NTSR1: variants seen among roughly 807,000 people sequenced by gnomAD.
The protein encoded by NTSR1 is neurotensin receptor 1.
NTSR1 carries 29 observed loss-of-function variants against 31.2 expected under a neutral mutation model. That is an observed-to-expected ratio of 0.93 (90% CI 0.69 to 1.27). The LOEUF (loss-of-function observed/expected upper bound fraction) is 1.27. Among genes scored for constraint, NTSR1 ranks in the 50% most tolerant of loss-of-function variants. NTSR1 has a pLI of 0.00. For missense variants in NTSR1, 697 were observed against 595.4 expected, an observed-to-expected ratio of 1.17 and a Z score of -1.78; for synonymous variants, 282 against 269.9, an observed-to-expected ratio of 1.04 and a Z score of -0.44.
intron 1 of NTSR1, among the ~76,000 whole-genome samples, chr20:62,716,715 G>A (rs1037098621): frequency 6.6e-6 from 1 of 152,132 alleles, no homozygotes; most frequent in Non-Finnish European, 1.5e-5. Flanking sequence ...ACTCAAGATC[G>A]TCCTCCCCTG....
Position 62,742,756 on chromosome 20 carries a change from C to T in NTSR1, c.715-11929C>T, listed in dbSNP as rs1427094342. Among the ~76,000 whole-genome samples, 2 of 149,196 alleles carry T rather than the reference C, an allele frequency of 1.3e-5. No individual in the cohort carries two copies. Among genetic ancestry groups the T allele is most frequent in the African/African-American group, 5.0e-5 (2 of 39,872 alleles). ...CCTGGAAAGCGCTGGGCTGTGTCAC[C>T]TTAAAGACCCCTTTGCTCTCTTGGC... On this transcript the variant is annotated intron_variant, in intron 1 of 3. Coordinates refer to ENST00000370501, the MANE Select transcript of NTSR1 (RefSeq NM_002531.3). This position sits in a 1 kb window ranked among gnomAD's most constrained non-coding sequence, Gnocchi z 7.1.
At chr20:62,724,850 G>A (rs901831378) in intron 1 of NTSR1, among the ~76,000 whole-genome samples, 8 of 152,156 alleles carry the variant, frequency 5.3e-5, no homozygotes, top group Non-Finnish European at 7.3e-5. Context: ...TGGCCGAATC[G>A]CTCCTTTCTC....
chr20:62,735,552 A>G (rs964679104), intron 1 of NTSR1, among the ~76,000 whole-genome samples: 2 of 152,188 alleles, frequency 1.3e-5, no homozygotes, highest in Non-Finnish European at 2.9e-5. Context: ...TGACAAACAC[A>G]TTATTAGGAG....
chr20:62,756,259 C>T (rs1465309829), intron 2 of NTSR1, among the ~76,000 whole-genome samples: 1 of 152,192 alleles, frequency 6.6e-6, no homozygotes, highest in East Asian at 1.9e-4. Context: ...CCTGCAAGTC[C>T]CAAGGACCAG....
At chr20:62,756,872 C>G (rs1407775943) in intron 2 of NTSR1, 2 of 152,236 alleles carry the variant, frequency 1.3e-5, no homozygotes, top group Non-Finnish European at 2.9e-5. Context: ...CTTTCATGTG[C>G]TTGTTGACCA....
At chr20:62,753,291 G>C (rs1301110578) in intron 1 of NTSR1, among the ~76,000 whole-genome samples, 6 of 152,192 alleles carry the variant, frequency 3.9e-5, no homozygotes, top group Admixed American at 3.9e-4. Flanking sequence ...CCTCTCAGTG[G>C]CTGCCCTGTC....
At chr20:62,759,453 A>T (rs1989571384) in intron 3 of NTSR1, among the ~76,000 whole-genome samples, 1 of 152,194 alleles carries the variant, frequency 6.6e-6, no homozygotes, top group African/African-American at 2.4e-5. Flanking sequence ...GCAGGGATGG[A>T]CAAGCAGAGC....
In NTSR1 at chr20:62,757,843, C is replaced by T. The variant is rs912769099; in HGVS notation, c.917-423C>T. On this transcript the variant is annotated intron_variant, in intron 2 of 3. Coordinates refer to ENST00000370501, the MANE Select transcript of NTSR1 (RefSeq NM_002531.3). The stretch of plus-strand genomic sequence containing the variant: ...TCTGAGCCTGTGTCCTGTCTCTGAG[C>T]TTATGCTCCCTCCCCAAGCCCACGT... 2.0e-5 allele frequency among the ~76,000 whole-genome samples: 3 copies of T among 152,016 alleles called. No homozygotes were observed. In the South Asian group the frequency reaches 6.2e-4, roughly 32 times the overall value.
In NTSR1 at chr20:62,761,122, C is replaced by T. The variant is rs1989615049; in HGVS notation, c.*855C>T. 1 of 152,318 alleles carries T rather than the reference C, an allele frequency of 6.6e-6. No homozygotes were observed. The highest frequency in any genetic ancestry group is 6.5e-5 in the Admixed American group (1 of 15,288). 9.4% of individuals were successfully genotyped at this position (152,318 alleles called of 1,614,324 possible). On this transcript the variant is annotated 3_prime_UTR_variant, in exon 4 of 4. Transcript: ENST00000370501. ...GACGCCGGATCAGGGGCCTGGTCTCCAGCACCTGCCCGAGTGGCCGTGGCC... is the reference window on the plus strand; with the variant it reads ...GACGCCGGATCAGGGGCCTGGTCTCTAGCACCTGCCCGAGTGGCCGTGGCC...
chr20:62,748,622 G>A (rs552350951), intron 1 of NTSR1, among the ~76,000 whole-genome samples: 8 of 152,200 alleles, frequency 5.3e-5, no homozygotes, highest in South Asian at 2.1e-4. Flanking sequence ...ACCCACTTTC[G>A]TACAGTCAAA....
In NTSR1 at chr20:62,715,188, C is replaced by T. The variant is rs561641823; in HGVS notation, c.714+5267C>T. 1.6e-4 allele frequency among the ~76,000 whole-genome samples: 25 copies of T among 152,162 alleles called. No individual in the cohort carries two copies. Among genetic ancestry groups the T allele is most frequent in the African/African-American group, 5.8e-4 (24 of 41,438 alleles). On this transcript the variant is annotated intron_variant, in intron 1 of 3. Coordinates refer to ENST00000370501, the MANE Select transcript of NTSR1 (RefSeq NM_002531.3). This position sits in a 1 kb window ranked among gnomAD's most constrained non-coding sequence, Gnocchi z 4.7. ...TAAAGAATTTGGCGTATGAAATCAC[C>T]GTTCAGATGGTGACTCTGAGGCTGT...
Position 62,709,576 on chromosome 20 carries a change from G to A in NTSR1, c.369G>A (p.Glu123=), listed in dbSNP as rs146164731. ...LLTLLLAMPV[E]LYNFIWVHHP... ...CCCTGCTGCTGGCCATGCCCGTGGA[G>A]CTGTACAACTTCATCTGGGTGCACC... The change falls in exon 1 of 4, where the codon GAG becomes GAA. Residue 123 remains glutamate (E), a synonymous_variant. Coordinates refer to ENST00000370501, the MANE Select transcript of NTSR1 (RefSeq NM_002531.3). 994 of 1,611,698 alleles carry A rather than the reference G, an allele frequency of 6.2e-4. 1 individual carries two copies. Among genetic ancestry groups the A allele is most frequent in the Middle Eastern group, 2.5e-3 (15 of 6,062 alleles).
Position 62,709,507 on chromosome 20 carries a change from G to A in NTSR1, c.300G>A (p.Thr100=), listed in dbSNP as rs1345654398. The part of the protein sequence containing the change: ...RKKSLQSLQS[T]VHYHLGSLAL... ...AGTCGCTGCAGAGCCTGCAGAGCACGGTGCATTACCACCTGGGCAGCCTGG... is the reference window on the plus strand; with the variant it reads ...AGTCGCTGCAGAGCCTGCAGAGCACAGTGCATTACCACCTGGGCAGCCTGG... Residue 100 remains threonine, a synonymous_variant, in exon 1 of 4, where the codon ACG becomes ACA. Coordinates refer to ENST00000370501, the MANE Select transcript of NTSR1 (RefSeq NM_002531.3). The A allele has an allele frequency of 1.2e-6, 2 of 1,612,538 alleles. No homozygotes were observed. Among genetic ancestry groups the A allele is most frequent in the Non-Finnish European group, 1.7e-6 (2 of 1,179,862 alleles).
At chr20:62,752,577 A>G (rs1369530679) in intron 1 of NTSR1, among the ~76,000 whole-genome samples, 2 of 152,218 alleles carry the variant, frequency 1.3e-5, no homozygotes, top group African/African-American at 2.4e-5. Flanking sequence ...GGGGGCAGCC[A>G]GGGGGCCGGG....
chr20:62,725,376 T>C (rs933387645), intron 1 of NTSR1, among the ~76,000 whole-genome samples: 1 of 152,212 alleles, frequency 6.6e-6, no homozygotes, highest in Non-Finnish European at 1.5e-5. Context: ...GGTGAGGCCA[T>C]GCGAGACACA....
rs140485698 is a variant in NTSR1, at chr20:62,733,076, C to CGTATCCAA, written c.715-21607_715-21600dup. 2.0e-5 allele frequency: 3 copies of CGTATCCAA among 151,708 alleles called. No homozygotes were observed. Among genetic ancestry groups the CGTATCCAA allele is most frequent in the African/African-American group, 7.3e-5 (3 of 41,252 alleles). The allele number at this position is 151,708 out of a possible 1,614,324, so 9.4% of individuals were successfully genotyped here. On this transcript the variant is annotated intron_variant, in intron 1 of 3. Coordinates refer to ENST00000370501, the MANE Select transcript of NTSR1 (RefSeq NM_002531.3). The surrounding 1 kb of genome is among the most constrained non-coding windows in gnomAD (Gnocchi z 5.2). ...ACCCGCAGGCGTGGCCCTGAGGCCA[C>CGTATCCAA]GTATCCAAGCAGCAGTGCCGTGCAT...
At position 62,750,702 on chromosome 20, in the gene NTSR1, A is replaced by C. The variant is rs572352705; in HGVS notation, c.715-3983A>C. Among the ~76,000 whole-genome samples, 637 of 143,058 alleles carry C rather than the reference A, an allele frequency of 4.5e-3. 6 individuals are homozygous for C. The highest frequency in any genetic ancestry group is 0.014 in the African/African-American group (449 of 33,232). The allele number at this position is 143,058 out of a possible 152,430, so 93.9% of individuals were successfully genotyped here. On this transcript the variant is annotated intron_variant, in intron 1 of 3. Transcript: ENST00000370501. Reference sequence around the variant, plus strand: ...CGAGACTCCGTCTCAAAAAAAAAAAAAAAAAAAAAACAATACTGCATTGCA... The same window carrying C: ...CGAGACTCCGTCTCAAAAAAAAAAACAAAAAAAAAACAATACTGCATTGCA...
intron 1 of NTSR1, among the ~76,000 whole-genome samples, chr20:62,749,269 G>C (rs922297369): frequency 3.3e-5 from 5 of 152,048 alleles, no homozygotes; most frequent in Admixed American, 2.0e-4. Flanking sequence ...GTGAAACCCC[G>C]TCTCTACTAA....
intron 1 of NTSR1, among the ~76,000 whole-genome samples, chr20:62,721,355 G>T (rs1988825237): frequency 6.6e-6 from 1 of 152,180 alleles, no homozygotes; most frequent in South Asian, 2.1e-4. Context: ...TCTTTTCCTT[G>T]AGAGTTAGTC....
Sources: allele counts gnomAD v4.1 joint callset (sites outside exome capture counted in the v4.1 genomes callset), GRCh38; gene constraint gnomAD v4.1.1; non-coding constraint Gnocchi (gnomAD v3.1); transcripts MANE v1.5; gene names NCBI Gene and HGNC (gene_info 2026-07-23, HGNC 2026-07-21).